The following MID1 variants were observed in gnomAD, a reference collection of about 807,000 sequenced individuals.
MID1 encodes the protein E3 ubiquitin-protein ligase Midline-1.
MID1 carries 7 observed loss-of-function variants against 40.4 expected under a neutral mutation model. That is an observed-to-expected ratio of 0.17 (90% CI 0.10 to 0.33). MID1 has a LOEUF of 0.33. Among genes scored for constraint, MID1 ranks in the 10% least tolerant of loss-of-function variants. MID1 has a pLI of 1.00. For synonymous variants in MID1, 229 were observed against 221.2 expected (o/e 1.04, Z -0.31); for missense variants, 367 against 558.5 (o/e 0.66, Z 3.46).
At chrX:10,485,129 T>G (rs1254722481) in intron 4 of MID1, among the ~76,000 whole-genome samples, 1 of 112,230 alleles carries the variant, frequency 8.9e-6, no homozygotes, top group Non-Finnish European at 1.9e-5. Context: ...TATGGCTGCT[T>G]TCTTGCTACA....
At chrX:10,811,750 T>C (rs2044103315) in intron 1 of MID1, among the ~76,000 whole-genome samples, 1 of 111,773 alleles carries the variant, frequency 8.9e-6, no homozygotes, top group Admixed American at 9.6e-5. Flanking sequence ...GATTGGACTT[T>C]AGAATCATGT....
chrX:10,489,453 A>G (rs1930807706), intron 4 of MID1, among the ~76,000 whole-genome samples: 1 of 112,338 alleles, frequency 8.9e-6, no homozygotes, highest in African/African-American at 3.2e-5. Context: ...ACATACAGAT[A>G]TCCAATTGCT....
intron 1 of MID1, among the ~76,000 whole-genome samples, chrX:10,730,495 G>GTA (rs1057488058): frequency 8.3e-5 from 9 of 108,149 alleles, no homozygotes; most frequent in Non-Finnish European, 1.3e-4. Context: ...GGCTTTCAGT[G>GTA]TAACTATCAC....
chrX:10,580,665 T>C (rs1300713130), intron 1 of MID1, among the ~76,000 whole-genome samples: 4 of 111,163 alleles, frequency 3.6e-5, no homozygotes, highest in Non-Finnish European at 5.6e-5. Context: ...AGTAAAAAAA[T>C]ATGTCTGATT....
intron 1 of MID1, among the ~76,000 whole-genome samples, chrX:10,678,185 T>C (rs925648013): frequency 2.7e-5 from 3 of 111,824 alleles, no homozygotes; most frequent in Non-Finnish European, 5.6e-5. Flanking sequence ...TGTAAGCAAC[T>C]ACAAAAATAC....
At chrX:10,637,068 GC>G (rs1318429210) in intron 1 of MID1, among the ~76,000 whole-genome samples, 2 of 107,093 alleles carry the variant, frequency 1.9e-5, no homozygotes, top group South Asian at 8.4e-4. Context: ...TTTCCAAGGG[GC>G]CCTTTTCAAA....
At chrX:10,615,663 C>A (rs1312868151) in intron 1 of MID1, among the ~76,000 whole-genome samples, 1 of 112,089 alleles carries the variant, frequency 8.9e-6, no homozygotes, top group African/African-American at 3.2e-5. Flanking sequence ...ATTAACCATC[C>A]TGATCTTGTG....
intron 1 of MID1, among the ~76,000 whole-genome samples, chrX:10,674,995 T>G (rs2043012836): frequency 4.4e-5 from 5 of 112,639 alleles, no homozygotes. Context: ...AACCTGTAGT[T>G]GAAACCTATA....
At chrX:10,722,722 A>T (rs1451909960) in intron 1 of MID1, among the ~76,000 whole-genome samples, 1 of 112,104 alleles carries the variant, frequency 8.9e-6, no homozygotes, top group East Asian at 2.8e-4. Context: ...TCAGAAACCC[A>T]AGCCAAATCA....
chrX:10,533,377 A>AAAG (rs1569089789), intron 2 of MID1, among the ~76,000 whole-genome samples: 155 of 58,537 alleles, frequency 2.6e-3, no homozygotes, highest in African/African-American at 0.011. Flanking sequence ...AGAAAGAAAG[A>AAAG]AAAAGAAAGA....
chrX:10,516,616 G>A (rs754176486), intron 3 of MID1, among the ~76,000 whole-genome samples: 61 of 92,428 alleles, frequency 6.6e-4, no homozygotes, highest in East Asian at 2.8e-3. Context: ...GTGTGCGCGC[G>A]CGCACGCGTG....
intron 1 of MID1, among the ~76,000 whole-genome samples, chrX:10,806,260 G>A (rs1344451123): frequency 8.9e-6 from 1 of 111,875 alleles, no homozygotes; most frequent in African/African-American, 3.3e-5. Flanking sequence ...TAAGGTGTAA[G>A]GAAGCGATCC....
intron 9 of MID1, among the ~76,000 whole-genome samples, chrX:10,450,639 G>T (rs937412045): frequency 6.3e-5 from 7 of 111,971 alleles, no homozygotes; most frequent in Non-Finnish European, 1.1e-4. Context: ...ACCAGAAATT[G>T]TGCAGTTCAT....
At position 10,449,565 on chromosome X, in the gene MID1, G is replaced by A; in HGVS notation, c.1807C>T (p.Arg603Cys). The A allele has an allele frequency of 8.3e-7, 1 of 1,211,571 alleles. No homozygotes were observed. ...TCATAGTCCAGCAGGATGCCCACGC[G>A]CCGGAGGTGGGGGGCAGGCTCAATG... ...IPIEPAPHLR[R>C]VGILLDYDNG... Residue 603 changes from arginine to cysteine, a missense_variant, in exon 10 of 10, where the codon CGC becomes TGC. By Grantham distance (180) the Arg-to-Cys change is radical. Around this residue, in one of 3 missense-constraint regions of MID1, gnomAD observed 275 missense variants for 383.1 expected, o/e 0.72. Coordinates refer to ENST00000317552, the MANE Select transcript of MID1 (RefSeq NM_000381.4).
At chrX:10,566,144 A>G (rs1453312748) in intron 2 of MID1, among the ~76,000 whole-genome samples, 1 of 111,272 alleles carries the variant, frequency 9.0e-6, no homozygotes, top group Non-Finnish European at 1.9e-5. Flanking sequence ...ATATAGTCAT[A>G]TTAATCATTA....
chrX:10,727,413 C>G (rs1317045299), intron 1 of MID1, among the ~76,000 whole-genome samples: 1 of 112,877 alleles, frequency 8.9e-6, no homozygotes, highest in African/African-American at 3.2e-5. Context: ...GCCACTGTGC[C>G]CAGCCTCATC....
chrX:10,602,919 T>C (rs1336352260), intron 1 of MID1, among the ~76,000 whole-genome samples: 1 of 112,459 alleles, frequency 8.9e-6, no homozygotes, highest in Non-Finnish European at 1.9e-5. Context: ...AGATCTAAGC[T>C]CTTCGCAACC....
intron 7 of MID1, among the ~76,000 whole-genome samples, chrX:10,462,661 T>A (rs1929118831): frequency 8.9e-6 from 1 of 112,041 alleles, no homozygotes; most frequent in South Asian, 3.7e-4. Flanking sequence ...TTATACATTT[T>A]TTTTTTCATT....
intron 1 of MID1, among the ~76,000 whole-genome samples, chrX:10,666,406 CAA>C (rs33938561): frequency 1.3e-4 from 9 of 68,828 alleles, no homozygotes; most frequent in African/African-American, 2.1e-4. Context: ...TGATAAACTG[CAA>C]AAAAAAAAAA....
Sources: allele counts gnomAD v4.1 joint callset (sites outside exome capture counted in the v4.1 genomes callset), GRCh38; gene constraint gnomAD v4.1.1; regional missense constraint gnomAD v4.1.1; transcripts MANE v1.5; gene names NCBI Gene and HGNC (gene_info 2026-07-23, HGNC 2026-07-21).